CSMD3: variants seen among roughly 807,000 people sequenced by gnomAD.
CSMD3 encodes CUB and sushi domain-containing protein 3.
In CSMD3, 177 loss-of-function variants were observed where a neutral mutation model predicts 435.2. That is an observed-to-expected ratio of 0.41 (90% CI 0.36 to 0.46). The LOEUF (loss-of-function observed/expected upper bound fraction) is 0.46. Among genes scored for constraint, CSMD3 ranks in the 20% least tolerant of loss-of-function variants. CSMD3 has a pLI of 0.34. For missense variants in CSMD3, 4,265 were observed against 4,504.6 expected (o/e 0.95, Z 1.52); for synonymous variants, 1,656 against 1,520.5 (o/e 1.09, Z -2.07).
At chr8:112,614,804 A>C (rs1392831486) in intron 22 of CSMD3, among the ~76,000 whole-genome samples, 1 of 152,094 alleles carries the variant, frequency 6.6e-6, no homozygotes, top group Non-Finnish European at 1.5e-5. Context: ...TTGGAATTTG[A>C]ATATTTCAAA....
chr8:112,747,138 T>TTTTA (rs912522336), intron 13 of CSMD3, among the ~76,000 whole-genome samples: 1 of 150,702 alleles, frequency 6.6e-6, no homozygotes, highest in Non-Finnish European at 1.5e-5. Context: ...CTCTCATTTC[T>TTTTA]TTTATTTCAC....
At chr8:112,701,757 T>C (rs1023865848) in intron 13 of CSMD3, among the ~76,000 whole-genome samples, 1 of 152,192 alleles carries the variant, frequency 6.6e-6, no homozygotes, top group East Asian at 1.9e-4. Flanking sequence ...CTGTCTCCCA[T>C]CATTTTCCCA....
chr8:112,230,530 T>A (rs1259721828), intron 69 of CSMD3, among the ~76,000 whole-genome samples: 1 of 152,228 alleles, frequency 6.6e-6, no homozygotes, highest in African/African-American at 2.4e-5. Flanking sequence ...GGCTCACACC[T>A]GTAATCCCAG....
At chr8:112,903,151 C>CAAAAAAAAAA (rs763330055) in intron 10 of CSMD3, among the ~76,000 whole-genome samples, 7 of 53,784 alleles carry the variant, frequency 1.3e-4, no homozygotes, top group East Asian at 1.5e-3. Flanking sequence ...GCAGTCTTGG[C>CAAAAAAAAAA]AAAAAAAAAA....
At chr8:112,733,099 T>A (rs1175068067) in intron 13 of CSMD3, among the ~76,000 whole-genome samples, 2 of 152,166 alleles carry the variant, frequency 1.3e-5, no homozygotes. Flanking sequence ...TCAATAAGAA[T>A]GATTCCACCT....
intron 4 of CSMD3, among the ~76,000 whole-genome samples, chr8:113,135,212 C>G (rs1360449811): frequency 6.6e-6 from 1 of 151,900 alleles, no homozygotes; most frequent in African/African-American, 2.4e-5. Context: ...TCCACACTAA[C>G]TTGTTATATG....
chr8:112,663,094 T>A (rs2075427483), intron 17 of CSMD3, among the ~76,000 whole-genome samples: 1 of 152,050 alleles, frequency 6.6e-6, no homozygotes, highest in South Asian at 2.1e-4. Flanking sequence ...CTCAGGGATC[T>A]AGAACTAGAA....
chr8:112,497,464 T>A (rs903767070), intron 30 of CSMD3, among the ~76,000 whole-genome samples: 2 of 135,506 alleles, frequency 1.5e-5, no homozygotes, highest in Admixed American at 7.5e-5. Context: ...TATCAAAATA[T>A]CTCATGTACT....
chr8:112,884,044 C>T (rs1169823719), intron 10 of CSMD3, among the ~76,000 whole-genome samples: 2 of 151,816 alleles, frequency 1.3e-5, no homozygotes, highest in African/African-American at 4.8e-5. Flanking sequence ...TTAAAATTCT[C>T]ACAGATTCCT....
At chr8:113,412,347 G>C (rs891871436) in intron 1 of CSMD3, among the ~76,000 whole-genome samples, 4 of 152,016 alleles carry the variant, frequency 2.6e-5, no homozygotes, top group African/African-American at 7.2e-5. Context: ...CTCTACATGG[G>C]ACTCGTATTA....
At chr8:112,788,406 A>T (rs978319146) in intron 13 of CSMD3, among the ~76,000 whole-genome samples, 3 of 152,026 alleles carry the variant, frequency 2.0e-5, no homozygotes, top group Non-Finnish European at 4.4e-5. Flanking sequence ...CTCCAATGGA[A>T]CCACTTGCAC....
chr8:113,428,331 C>T (rs2094649456), intron 1 of CSMD3, among the ~76,000 whole-genome samples: 1 of 151,508 alleles, frequency 6.6e-6, no homozygotes. Flanking sequence ...CAATGTTTCT[C>T]TTAAAAATGA....
rs189970737 is a variant in CSMD3, at chr8:112,590,976, T to A, written c.3716-3741A>T. The stretch of plus-strand genomic sequence containing the variant: ...AAAGCTATTAATAGGTAGTAATGTT[T>A]CCTCTCTCTAATTTGAACTAGGGGG... On this transcript the variant is annotated intron_variant, in intron 22 of 70. Coordinates refer to ENST00000297405, the MANE Select transcript of CSMD3 (RefSeq NM_198123.2). 1.4e-3 allele frequency among the ~76,000 whole-genome samples: 216 copies of A among 152,220 alleles called. 2 individuals are homozygous for A. The highest frequency in any genetic ancestry group is 4.9e-3 in the African/African-American group (204 of 41,564).
intron 4 of CSMD3, among the ~76,000 whole-genome samples, chr8:113,149,449 C>A (rs961629869): frequency 5.3e-5 from 8 of 151,742 alleles, no homozygotes; most frequent in African/African-American, 1.7e-4. Context: ...AAAATCTCTG[C>A]TCAAGATATT....
In CSMD3 at chr8:112,318,875, T is replaced by C. The variant is rs2130860596; in HGVS notation, c.7322A>G (p.Glu2441Gly). Residue 2441 changes from glutamate (E) to glycine (G), a missense_variant, in exon 47 of 71, where the codon GAA (glutamate) becomes GGA (glycine). Glu to Gly is a moderately conservative substitution (Grantham distance 98). Coordinates refer to ENST00000297405, the MANE Select transcript of CSMD3 (RefSeq NM_198123.2). ...GNAILTCRLG[E>G]RLQMDGAPPV... Reference sequence around the variant, plus strand: ...AGGTGCTCCATCCATCTGCAGTCGTTCTCCTAATCTGCACGTCAGAATTGC... The same window carrying C: ...AGGTGCTCCATCCATCTGCAGTCGTCCTCCTAATCTGCACGTCAGAATTGC... 6.2e-7 allele frequency: 1 copy of C among 1,612,566 alleles called. No homozygotes were observed. The highest frequency in any genetic ancestry group is 8.5e-7 in the Non-Finnish European group (1 of 1,179,312).
chr8:113,393,785 T>C (rs1383449237), intron 1 of CSMD3, among the ~76,000 whole-genome samples: 4 of 152,238 alleles, frequency 2.6e-5, no homozygotes, highest in African/African-American at 9.6e-5. Flanking sequence ...TTGGAGACTC[T>C]TCATGGTCAG....
chr8:112,545,445 T>C (rs967528080), intron 27 of CSMD3, among the ~76,000 whole-genome samples: 1 of 122,904 alleles, frequency 8.1e-6, no homozygotes, highest in African/African-American at 3.2e-5. Context: ...ATCGTGCCAC[T>C]GCACTCCAGC....
chr8:112,624,000 GAAC>G (rs1342082950), intron 22 of CSMD3, among the ~76,000 whole-genome samples: 6 of 152,102 alleles, frequency 3.9e-5, no homozygotes, highest in African/African-American at 1.4e-4. Context: ...CTGTTAATAT[GAAC>G]AACACTTATT....
chr8:112,977,972 G>A (rs151220766), intron 6 of CSMD3, among the ~76,000 whole-genome samples: 1 of 151,938 alleles, frequency 6.6e-6, no homozygotes, highest in East Asian at 1.9e-4. Context: ...CTGTACATTT[G>A]TGATGTGCAG....
Sources: allele counts gnomAD v4.1 joint callset (sites outside exome capture counted in the v4.1 genomes callset), GRCh38; gene constraint gnomAD v4.1.1; transcripts MANE v1.5; gene names NCBI Gene and HGNC (gene_info 2026-07-23, HGNC 2026-07-21).